The following CRISPLD2 variants were observed in gnomAD, a reference collection of about 807,000 sequenced individuals.
CRISPLD2 encodes cysteine rich secretory protein LCCL domain containing 2, also known as cysteine-rich secretory protein LCCL domain-containing 2.
Under a neutral mutation model 71.1 loss-of-function variants are expected in CRISPLD2, and 47 were observed. The observed-to-expected ratio is 0.66, with a 90% CI of 0.52 to 0.84. The LOEUF (loss-of-function observed/expected upper bound fraction) is 0.84, where lower values mean the gene tolerates loss of function less well. Among genes scored for constraint, CRISPLD2 ranks in the 40% least tolerant of loss-of-function variants. The probability of loss-of-function intolerance (pLI) is 0.00; values close to 1 mark genes in which losing one functional copy is unlikely to be tolerated. For synonymous variants in CRISPLD2, 317 were observed against 250.1 expected (o/e 1.27, Z -2.52); for missense variants, 830 against 651.1 (o/e 1.27, Z -2.99).
In CRISPLD2 at chr16:84,827,171, G is replaced by A. The variant is rs1229783548; in HGVS notation, c.-75+7038G>A. On this transcript the variant is annotated intron_variant, in intron 1 of 14. Coordinates refer to ENST00000262424, the MANE Select transcript of CRISPLD2 (RefSeq NM_031476.4). ...AAGGTAGTCATTTCCGGACTTCTAA[G>A]GGCACAGGCTGGGTTTGCCTGGTTT... is the stretch of plus-strand genomic sequence containing the variant. Among the ~76,000 whole-genome samples the A allele has an allele frequency of 3.5e-5, 5 of 141,300 alleles. No individual in the cohort carries two copies. In the South Asian group the frequency reaches 9.1e-4, roughly 26 times the overall value. The allele number at this position is 141,300 out of a possible 152,430, so 92.7% of individuals were successfully genotyped here. A position where few individuals can be genotyped will look rare whatever the true frequency, so the allele number is the denominator to read the frequency against.
chr16:84,906,196 A>G (rs754160275), intron 14 of CRISPLD2, among the ~76,000 whole-genome samples: 1 of 152,010 alleles, frequency 6.6e-6, no homozygotes, highest in Middle Eastern at 3.2e-3. Context: ...AGCACCTGGC[A>G]TATGCAGTAG....
At chr16:84,864,044 C>A (rs1222636728) in intron 6 of CRISPLD2, among the ~76,000 whole-genome samples, 2 of 151,926 alleles carry the variant, frequency 1.3e-5, no homozygotes, top group African/African-American at 4.8e-5. Context: ...AGGGCCCAGC[C>A]AGCATCTGGC....
chr16:84,880,034 G>T (rs781101900), intron 12 of CRISPLD2, among the ~76,000 whole-genome samples: 27 of 152,118 alleles, frequency 1.8e-4, no homozygotes, highest in African/African-American at 6.0e-4. Context: ...TCCACCCCAG[G>T]TTATCAGTGC....
rs551862312 is a variant in CRISPLD2, at chr16:84,866,776, A to G, written c.710-121A>G. Reference sequence around the variant, plus strand: ...ATGTAACTTTCTCTTTGCCGCTGAAATGATTCTTTGTAAAACCAAACCTCA... The same window carrying G: ...ATGTAACTTTCTCTTTGCCGCTGAAGTGATTCTTTGTAAAACCAAACCTCA... On this transcript the variant is annotated intron_variant, in intron 6 of 14. Coordinates refer to ENST00000262424, the MANE Select transcript of CRISPLD2 (RefSeq NM_031476.4). 6.3e-5 allele frequency: 59 copies of G among 938,642 alleles called. No individual in the cohort carries two copies. The South Asian group carries it at 9.4e-4, about 15-fold the overall frequency. 58.1% of individuals were successfully genotyped at this position (938,642 alleles called of 1,614,324 possible).
In CRISPLD2 at chr16:84,848,114, G is replaced by C. The variant is rs1597455946; in HGVS notation, c.360-1271G>C. Among the ~76,000 whole-genome samples, 3 of 152,220 alleles carry C rather than the reference G, an allele frequency of 2.0e-5. No individual in the cohort carries two copies. The East Asian group carries it at 5.8e-4, about 29-fold the overall frequency. ...GCAAAAGAGCCCCTGACTCTGCATG[G>C]CCCCCCGGGGCAGCCGCGGGTTCCT... On this transcript the variant is annotated intron_variant, in intron 3 of 14. Transcript: ENST00000262424.
intron 13 of CRISPLD2, among the ~76,000 whole-genome samples, chr16:84,883,141 A>G (rs2071582945): frequency 6.6e-6 from 1 of 152,224 alleles, no homozygotes; most frequent in Non-Finnish European, 1.5e-5. Flanking sequence ...TAAAGAATGA[A>G]GGAGGGAAGA....
intron 14 of CRISPLD2, among the ~76,000 whole-genome samples, chr16:84,893,796 C>A (rs1018062349): frequency 1.3e-5 from 2 of 152,202 alleles, no homozygotes; most frequent in Non-Finnish European, 2.9e-5. Context: ...ACCATCTCTG[C>A]ACAAAGCAGA....
chr16:84,883,741 T>C (rs865785211), intron 13 of CRISPLD2, among the ~76,000 whole-genome samples: 2 of 152,174 alleles, frequency 1.3e-5, no homozygotes, highest in South Asian at 2.1e-4. Context: ...TTTTCTATTG[T>C]GGTGGTGACT....
intron 2 of CRISPLD2, chr16:84,842,200 G>C (rs1916789487): frequency 6.6e-6 from 1 of 152,266 alleles, no homozygotes; most frequent in South Asian, 2.1e-4. Flanking sequence ...GCAGAGGCTG[G>C]AAAACCTGCA....
rs151008868 is a variant in CRISPLD2 at position 84,864,184 on chromosome 16, G to A, written c.710-2713G>A. Among the ~76,000 whole-genome samples the A allele has an allele frequency of 2.5e-4, 38 of 152,160 alleles. 3 individuals carry two copies. The East Asian group carries it at 2.5e-3, about 10-fold the overall frequency. On this transcript the variant is annotated intron_variant, in intron 6 of 14. Transcript: ENST00000262424. ...GAATGGGGCACAGAATAACCTTGCC[G>A]TGACCTCTGCACGGAATTTCCCCAG...
intron 6 of CRISPLD2, chr16:84,863,067 C>G (rs1917432825): frequency 6.6e-6 from 1 of 152,246 alleles, no homozygotes. Flanking sequence ...AGACAGTGCA[C>G]CTGCCCCATG....
At chr16:84,861,784 AG>A in intron 6 of CRISPLD2, among the ~76,000 whole-genome samples, 1 of 152,254 alleles carries the variant, frequency 6.6e-6, no homozygotes, top group East Asian at 1.9e-4. Flanking sequence ...AAAATTAACC[AG>A]GTGTGGTCAC....
chr16:84,863,613 T>C (rs1327093689), intron 6 of CRISPLD2, among the ~76,000 whole-genome samples: 1 of 152,226 alleles, frequency 6.6e-6, no homozygotes, highest in Non-Finnish European at 1.5e-5. Flanking sequence ...CTGAGCCTTC[T>C]TCCTCATCTG....
chr16:84,848,078 T>C (rs1916964445), intron 3 of CRISPLD2, among the ~76,000 whole-genome samples: 1 of 152,222 alleles, frequency 6.6e-6, no homozygotes, highest in Non-Finnish European at 1.5e-5. Flanking sequence ...GGAATTTTGC[T>C]AACTTGCTTT....
intron 11 of CRISPLD2, among the ~76,000 whole-genome samples, chr16:84,875,437 T>G (rs1335353522): frequency 1.6e-5 from 2 of 124,026 alleles, no homozygotes; most frequent in South Asian, 2.7e-4. Flanking sequence ...TTTTTTTTTT[T>G]GTAGCTCATC....
Position 84,873,106 on chromosome 16 carries a change from G to A in CRISPLD2, c.1096G>A (p.Gly366Ser), listed in dbSNP as rs138350685. 3.8e-5 allele frequency: 62 copies of A among 1,613,604 alleles called. No individual in the cohort carries two copies. Among genetic ancestry groups the A allele is most frequent in the Non-Finnish European group, 4.3e-5 (51 of 1,179,796 alleles). The change falls in exon 10 of 15, where the codon GGC (glycine) becomes AGC (serine). Residue 366 changes from glycine (G) to serine (S), a missense_variant. By Grantham distance (56) the Gly-to-Ser change is moderately conservative (BLOSUM62 0). Coordinates refer to ENST00000262424, the MANE Select transcript of CRISPLD2 (RefSeq NM_031476.4). ...CTTCTTCGTGAAGTCTGAGAGACAC[G>A]GCGTGCAGTCCCTCAGGTAACTACT... ...VPFFVKSERHGVQSLSKYKPS... is the reference protein window; with the variant it reads ...VPFFVKSERHSVQSLSKYKPS...
Position 84,897,910 on chromosome 16 carries a change from C to G in CRISPLD2, c.1439+8547C>G, listed in dbSNP as rs143853861. Among the ~76,000 whole-genome samples the G allele has an allele frequency of 1.4e-3, 210 of 152,356 alleles. 1 individual carries two copies. The highest frequency in any genetic ancestry group is 4.7e-3 in the African/African-American group (194 of 41,582). ...GGGATTACAGGCGTGAGCTACCACA[C>G]CCGGCTTAAACACGCTTTTTAAAAA... On this transcript the variant is annotated intron_variant, in intron 14 of 14. Coordinates refer to ENST00000262424, the MANE Select transcript of CRISPLD2 (RefSeq NM_031476.4).
At chr16:84,855,174 C>T (rs1917203999) in intron 6 of CRISPLD2, among the ~76,000 whole-genome samples, 1 of 152,202 alleles carries the variant, frequency 6.6e-6, no homozygotes, top group Non-Finnish European at 1.5e-5. Context: ...ACGGGCTGGA[C>T]ATCGTGGCTC....
intron 6 of CRISPLD2, among the ~76,000 whole-genome samples, chr16:84,855,166 G>A (rs146578483): frequency 1.0e-3 from 156 of 152,234 alleles, no homozygotes; most frequent in African/African-American, 3.6e-3. Context: ...AATAGGCCAC[G>A]GGCTGGACAT....
Sources: allele counts gnomAD v4.1 joint callset (sites outside exome capture counted in the v4.1 genomes callset), GRCh38; gene constraint gnomAD v4.1.1; transcripts MANE v1.5; gene names NCBI Gene and HGNC (gene_info 2026-07-23, HGNC 2026-07-21).